The following SEPTIN10 variants were observed in gnomAD, a reference collection of about 807,000 sequenced individuals.
The protein encoded by SEPTIN10 is septin 10.
In SEPTIN10, 66 loss-of-function variants were observed where a neutral mutation model predicts 54.8. That is an observed-to-expected ratio of 1.21 (90% CI 0.99 to 1.48). SEPTIN10 has a LOEUF of 1.48. Among genes scored for constraint, SEPTIN10 ranks in the 40% most tolerant of loss-of-function variants. The pLI, the probability that SEPTIN10 is intolerant of heterozygous loss-of-function variation, is 0.00. For synonymous variants in SEPTIN10, 161 were observed against 181.0 expected, an observed-to-expected ratio of 0.89 and a Z score of 0.89; for missense variants, 620 against 545.6, an observed-to-expected ratio of 1.14 and a Z score of -1.36.
chr2:109,567,874 G>A lies in SEPTIN10; in HGVS notation c.703C>T (p.Gln235Ter), dbSNP rs752368017. 6.2e-7 allele frequency: 1 copy of A among 1,613,890 alleles called. No homozygotes were observed. Among genetic ancestry groups the A allele is most frequent in the Non-Finnish European group, 8.5e-7 (1 of 1,179,902 alleles). ...TCATCCGTTGGGAACTGGTATATCT[G>A]GACGCCATTGCTGACCAATTCACTC... ...LMSELVSNGV[Q>*]IYQFPTDDDT... is the part of the protein sequence containing the mutation. The change falls in exon 6 of 11, where the codon CAG becomes TAG. Residue 235 changes from glutamine (Q) to a stop codon, truncating the protein, a stop_gained. Transcript: ENST00000397712. LOFTEE classifies it high-confidence loss of function.
chr2:109,593,939 T>A (rs1243640209), intron 1 of SEPTIN10, among the ~76,000 whole-genome samples: 1 of 152,182 alleles, frequency 6.6e-6, no homozygotes. Context: ...TCTTATTTAA[T>A]CCTTACAATA....
At position 109,564,427 on chromosome 2, in the gene SEPTIN10, T is replaced by G. The variant is rs1424092038; in HGVS notation, c.967A>C (p.Arg323=). The part of the protein sequence containing the change: ...QTHTRHYELY[R]RCKLEEMGFT... Reference sequence around the variant, plus strand: ...CCCATTTCCTCCAGTTTGCAGCGCCTGTAAAGCTCATAGTGCCTGGTATGG... The same window carrying G: ...CCCATTTCCTCCAGTTTGCAGCGCCGGTAAAGCTCATAGTGCCTGGTATGG... Residue 323 remains arginine, a synonymous_variant, in exon 8 of 11, where the codon AGG becomes CGG. Transcript: ENST00000397712. 2 of 1,598,632 alleles carry G rather than the reference T, an allele frequency of 1.3e-6. No individual in the cohort carries two copies. Among genetic ancestry groups the G allele is most frequent in the Admixed American group, 3.4e-5 (2 of 59,330 alleles).
At chr2:109,611,564 C>A (rs1699257660) in intron 1 of SEPTIN10, among the ~76,000 whole-genome samples, 1 of 151,312 alleles carries the variant, frequency 6.6e-6, no homozygotes, top group Non-Finnish European at 1.5e-5. Context: ...TTGAGACCAG[C>A]CTGGGCAACA....
chr2:109,585,862 C>A (rs1261111212), intron 2 of SEPTIN10, 24 bp from the exon 3 acceptor site: 1 of 1,583,228 alleles, frequency 6.3e-7, no homozygotes, highest in South Asian at 1.1e-5. Flanking sequence ...AAAACAAAAA[C>A]AACAGCAATA....
At chr2:109,589,399 G>GT (rs905139945) in intron 2 of SEPTIN10, among the ~76,000 whole-genome samples, 10 of 152,062 alleles carry the variant, frequency 6.6e-5, no homozygotes, top group African/African-American at 2.4e-4. Context: ...GGGCATGGTG[G>GT]TGCATGCCTG....
chr2:109,574,501 T>C (rs1689158241), intron 5 of SEPTIN10, 80 bp downstream of exon 5: 2 of 755,292 alleles, frequency 2.6e-6, no homozygotes, highest in Non-Finnish European at 1.9e-6. Flanking sequence ...AGTTACAATA[T>C]ATATCCATAT....
chr2:109,570,013 G>T (rs1332013889), intron 5 of SEPTIN10, among the ~76,000 whole-genome samples: 2 of 151,130 alleles, frequency 1.3e-5, no homozygotes, highest in Non-Finnish European at 3.0e-5. Flanking sequence ...CCCTACACCT[G>T]CCAACTGCCC....
intron 1 of SEPTIN10, among the ~76,000 whole-genome samples, chr2:109,601,770 A>C (rs953359521): frequency 6.6e-6 from 1 of 152,178 alleles, no homozygotes; most frequent in African/African-American, 2.4e-5. Flanking sequence ...GAAGTTAAAA[A>C]AAAAAAAAGC....
intron 5 of SEPTIN10, 42 bp downstream of exon 5, chr2:109,574,539 A>T: frequency 8.1e-7 from 1 of 1,242,008 alleles, no homozygotes; most frequent in Non-Finnish European, 1.1e-6. Flanking sequence ...AGTTAAAAAT[A>T]AATATTAAAG....
chr2:109,593,004 G>A (rs370297778), intron 2 of SEPTIN10, 47 bp downstream of exon 2: 187 of 1,281,496 alleles, frequency 1.5e-4, no homozygotes, highest in Middle Eastern at 1.9e-4. Flanking sequence ...TAAAATCATA[G>A]AAGCATTTAG....
intron 5 of SEPTIN10, among the ~76,000 whole-genome samples, chr2:109,570,605 ACCTCCGCCTCCCAAGTTCAAGCAATTCTG>A (rs142068307): frequency 0.064 from 9,723 of 151,736 alleles, 742 homozygotes; most frequent in East Asian, 0.24. Flanking sequence ...GCTCACTGCA[ACCTCCGCCTCCCAAGTTCAAGCAATTCTG>A]CCTCAGCCTC....
At chr2:109,613,765 C>T in intron 1 of SEPTIN10, 33 bp downstream of exon 1, 1 of 1,208,420 alleles carries the variant, frequency 8.3e-7, no homozygotes, top group Admixed American at 4.3e-5. Context: ...CCGGGGAGCG[C>T]GGGGCTGGGG....
At chr2:109,552,558 T>C (rs1450200129) in intron 9 of SEPTIN10, 3 of 152,342 alleles carry the variant, frequency 2.0e-5, no homozygotes, top group African/African-American at 7.2e-5. Flanking sequence ...AAGGTCATAG[T>C]TTGGGAAGCA....
At position 109,564,503 on chromosome 2, in the gene SEPTIN10, C is replaced by G. The variant is rs1348752188; in HGVS notation, c.891G>C (p.Lys297Asn). Residue 297 changes from lysine (K) to asparagine (N), a missense_variant, in exon 8 of 11, where the codon AAG (lysine) becomes AAC (asparagine). Transcript: ENST00000397712. ...TTGTACAAATGAGCATTTCCCGCAG[C>G]TTTACAAAGTCACAGTGGTTTTCAT... ...VENENHCDFVKLREMLICTNM... is the reference protein window; with the variant it reads ...VENENHCDFVNLREMLICTNM... The G allele has an allele frequency of 6.4e-7, 1 of 1,552,272 alleles. No individual in the cohort carries two copies. Among genetic ancestry groups the G allele is most frequent in the Non-Finnish European group, 8.8e-7 (1 of 1,141,330 alleles).
chr2:109,599,348 C>T (rs1573810924), intron 1 of SEPTIN10, among the ~76,000 whole-genome samples: 1 of 150,912 alleles, frequency 6.6e-6, no homozygotes, highest in South Asian at 2.1e-4. Flanking sequence ...ATCCCAGTTA[C>T]TTGGGAGGCT....
At chr2:109,555,950 G>A (rs1363919807) in intron 8 of SEPTIN10, among the ~76,000 whole-genome samples, 3 of 152,146 alleles carry the variant, frequency 2.0e-5, no homozygotes, top group Non-Finnish European at 4.4e-5. Context: ...TCCAAGCACT[G>A]CCATGGCATT....
At chr2:109,590,482 A>T (rs1225786281) in intron 2 of SEPTIN10, among the ~76,000 whole-genome samples, 1 of 151,286 alleles carries the variant, frequency 6.6e-6, no homozygotes, top group Admixed American at 6.6e-5. Context: ...CCCAGGCTAG[A>T]GTGCAATGAT....
intron 1 of SEPTIN10, chr2:109,612,980 C>CT (rs1699587671): frequency 2.3e-6 from 1 of 443,588 alleles, no homozygotes; most frequent in Non-Finnish European, 4.6e-6. Context: ...TTTTTGGTCT[C>CT]CAGCCTCCAA....
chr2:109,574,871 C>T (rs1292730772), intron 4 of SEPTIN10, 104 bp from the exon 5 acceptor site: 5 of 714,454 alleles, frequency 7.0e-6, no homozygotes, highest in Non-Finnish European at 1.1e-5. Flanking sequence ...AATTAATAAA[C>T]AGTTAATATC....
Sources: allele counts gnomAD v4.1 joint callset (sites outside exome capture counted in the v4.1 genomes callset), GRCh38; gene constraint gnomAD v4.1.1; transcripts MANE v1.5; gene names NCBI Gene and HGNC (gene_info 2026-07-23, HGNC 2026-07-21).